Variants in PCDH11X observed in about 807,000 individuals in gnomAD.
PCDH11X encodes protocadherin 11 X-linked, also known as protocadherin-11 X-linked.
A neutral mutation model predicts 53.3 loss-of-function variants in PCDH11X; 18 were observed. The observed-to-expected ratio is 0.34, with a 90% CI of 0.23 to 0.50. The LOEUF is 0.50. PCDH11X is among the 20% of genes least tolerant of loss of function. The pLI is 0.98. For synonymous variants in PCDH11X, 279 were observed against 393.3 expected (o/e 0.71, Z 3.44); for missense variants, 570 against 1,032.4 (o/e 0.55, Z 6.14).
intron 1 of PCDH11X, among the ~76,000 whole-genome samples, chrX:91,792,283 T>A (rs1935582480): frequency 8.9e-6 from 1 of 112,107 alleles, no homozygotes; most frequent in South Asian, 3.6e-4. Context: ...AAATAATTTC[T>A]TGGCCTGATC....
chrX:91,973,684 G>A (rs1419855325), intron 6 of PCDH11X, among the ~76,000 whole-genome samples: 30 of 98,561 alleles, frequency 3.0e-4, no homozygotes, highest in Non-Finnish European at 5.3e-4. Context: ...GCAGGATCTC[G>A]GCTCATTGCA....
chrX:92,523,261 C>T, intron 10 of PCDH11X, among the ~76,000 whole-genome samples: 1 of 111,202 alleles, frequency 9.0e-6, no homozygotes, highest in East Asian at 2.8e-4. Flanking sequence ...TTGCATAGTA[C>T]TCAGCCCACT....
At chrX:91,882,828 C>G (rs1939974784) in intron 6 of PCDH11X, 1 of 1,149,570 alleles carries the variant, frequency 8.7e-7, no homozygotes, top group African/African-American at 1.8e-5. Context: ...CAAATTTTAA[C>G]CATGAAGCAT....
intron 5 of PCDH11X, among the ~76,000 whole-genome samples, chrX:91,858,572 C>T (rs1226627621): frequency 9.0e-6 from 1 of 110,804 alleles, no homozygotes; most frequent in Non-Finnish European, 1.9e-5. Context: ...ACACTGAATG[C>T]TTTTGACAAT....
At chrX:92,215,023 C>T (rs781435350) in intron 7 of PCDH11X, among the ~76,000 whole-genome samples, 19 of 111,560 alleles carry the variant, frequency 1.7e-4, no homozygotes, top group African/African-American at 3.9e-4. Context: ...ACTCTAGCCC[C>T]GGCGACGGAA....
intron 10 of PCDH11X, among the ~76,000 whole-genome samples, chrX:92,567,814 G>A (rs1299977783): frequency 9.8e-6 from 1 of 102,515 alleles, no homozygotes; most frequent in African/African-American, 3.6e-5. Flanking sequence ...TGGGCACATG[G>A]GTGGGAACAA....
chrX:92,506,216 C>CTTTTTTTTTTTT lies in PCDH11X; in HGVS notation c.3367+37905_3367+37916dup, dbSNP rs1180678297. Among the ~76,000 whole-genome samples, 143 of 40,183 alleles carry CTTTTTTTTTTTT rather than the reference C, an allele frequency of 3.6e-3. 3 individuals are homozygous for CTTTTTTTTTTTT. Among genetic ancestry groups the CTTTTTTTTTTTT allele is most frequent in the Admixed American group, 5.0e-3 (12 of 2,421 alleles). The allele number at this position is 40,183 out of a possible 115,157, so 34.9% of individuals were successfully genotyped here. A position where few individuals can be genotyped will look rare whatever the true frequency, so the allele number is the denominator to read the frequency against. On this transcript the variant is annotated intron_variant, in intron 10 of 10. Transcript: ENST00000682573. ...ATTTGGATACATTTTCTTTTCTTTT[C>CTTTTTTTTTTTT]TTTTTTTTTTTTTTTTTTTTTTGCC...
intron 6 of PCDH11X, among the ~76,000 whole-genome samples, chrX:91,900,535 C>T (rs1449573247): frequency 9.2e-6 from 1 of 109,040 alleles, no homozygotes; most frequent in Non-Finnish European, 1.9e-5. Flanking sequence ...TGCCCCATCC[C>T]TGTAAGGCCA....
At chrX:91,926,076 GCACACACACACACA>G (rs4022270) in intron 6 of PCDH11X, among the ~76,000 whole-genome samples, 9 of 83,130 alleles carry the variant, frequency 1.1e-4, no homozygotes, top group South Asian at 6.8e-4. Flanking sequence ...ACACAAACAC[GCACACACACACACA>G]CACACACACA....
intron 10 of PCDH11X, among the ~76,000 whole-genome samples, chrX:92,580,533 C>T (rs900172182): frequency 1.2e-4 from 13 of 110,036 alleles, no homozygotes. Flanking sequence ...GCCACAGCCA[C>T]TGTGCGGTGC....
chrX:91,814,743 T>G (rs1936402492), intron 4 of PCDH11X, among the ~76,000 whole-genome samples: 1 of 90,345 alleles, frequency 1.1e-5, no homozygotes, highest in Non-Finnish European at 2.2e-5. Flanking sequence ...ATCTTAGAGA[T>G]AAATCCCAAC....
rs1250310962 is a variant in PCDH11X at position 92,326,828 on chromosome X, T to C, written c.3145-60907T>C. On this transcript the variant is annotated intron_variant, in intron 8 of 10. Coordinates refer to ENST00000682573, the MANE Select transcript of PCDH11X (RefSeq NM_032968.5). ...AAGATATTGTTACCCATATAAATAT[T>C]TGAAGAGTTAGAATCTCTTTAAAAA... Among the ~76,000 whole-genome samples, 3 of 103,867 alleles carry C rather than the reference T, an allele frequency of 2.9e-5. No homozygotes were observed. The Admixed American group carries it at 3.3e-4, about 11-fold the overall frequency. 90.2% of individuals were successfully genotyped at this position (103,867 alleles called of 115,157 possible). A position where few individuals can be genotyped will look rare whatever the true frequency, so the allele number is the denominator to read the frequency against.
intron 9 of PCDH11X, chrX:92,460,693 G>C: frequency 1.0e-6 from 1 of 972,544 alleles, no homozygotes; most frequent in Non-Finnish European, 1.4e-6. Flanking sequence ...TGCTGCACCT[G>C]GAGTCAGAGC....
At chrX:91,847,564 C>T (rs1463256110) in intron 5 of PCDH11X, among the ~76,000 whole-genome samples, 4 of 111,310 alleles carry the variant, frequency 3.6e-5, no homozygotes, top group African/African-American at 1.3e-4. Flanking sequence ...AAGGTCTCGT[C>T]TACCTTGAGC....
At chrX:91,902,269 C>T (rs1940983110) in intron 6 of PCDH11X, among the ~76,000 whole-genome samples, 1 of 110,430 alleles carries the variant, frequency 9.1e-6, no homozygotes, top group Admixed American at 9.7e-5. Flanking sequence ...CTATCCCCTC[C>T]ATTCACTACT....
chrX:92,195,716 C>A (rs183849132), intron 6 of PCDH11X, among the ~76,000 whole-genome samples: 25 of 111,735 alleles, frequency 2.2e-4, no homozygotes, highest in Non-Finnish European at 4.5e-4. Flanking sequence ...AACATTCCAT[C>A]CATAGCTATC....
intron 7 of PCDH11X, among the ~76,000 whole-genome samples, chrX:92,256,792 A>C (rs1421917750): frequency 5.4e-5 from 6 of 110,152 alleles, no homozygotes; most frequent in African/African-American, 2.0e-4. Context: ...GCTCCCACTT[A>C]TAAGTGAGAA....
intron 6 of PCDH11X, among the ~76,000 whole-genome samples, chrX:91,986,618 A>G (rs2062232132): frequency 9.1e-6 from 1 of 109,597 alleles, no homozygotes. Context: ...TGCCTTTTCC[A>G]CCTTCCTTGG....
At chrX:92,221,758 C>G (rs952155505) in intron 7 of PCDH11X, among the ~76,000 whole-genome samples, 11 of 111,500 alleles carry the variant, frequency 9.9e-5, no homozygotes, top group African/African-American at 3.6e-4. Flanking sequence ...TTTTCACAAT[C>G]TCTTTTATGG....
Sources: allele counts gnomAD v4.1 joint callset (sites outside exome capture counted in the v4.1 genomes callset), GRCh38; gene constraint gnomAD v4.1.1; transcripts MANE v1.5; gene names NCBI Gene and HGNC (gene_info 2026-07-23, HGNC 2026-07-21).